IFNW1: variants seen among roughly 807,000 people sequenced by gnomAD.
The protein encoded by IFNW1 is interferon omega 1.
For missense variants in IFNW1, 293 were observed against 227.7 expected, an observed-to-expected ratio of 1.29 and a Z score of -1.84; for synonymous variants, 105 against 88.0, an observed-to-expected ratio of 1.19 and a Z score of -1.08.
Position 21,141,501 on chromosome 9 carries a change from A to G in IFNW1, c.70T>C (p.Cys24Arg). 1 of 1,613,778 alleles carries G rather than the reference A, an allele frequency of 6.2e-7. No individual in the cohort carries two copies. Among genetic ancestry groups the G allele is most frequent in the Non-Finnish European group, 8.5e-7 (1 of 1,179,786 alleles). ...TSYSPVGSLG[C>R]DLPQNHGLLS... ...AGGCCATGGTTCTGAGGCAGATCAC[A>G]GCCCAGAGATCCAACAGGGCTATAG... The change falls in exon 1 of 1, where the codon TGT (cysteine) becomes CGT (arginine). Residue 24 changes from cysteine to arginine, a missense_variant. By Grantham distance (180) the Cys-to-Arg change is radical. Transcript: ENST00000380229.
chr9:21,141,042 A>G lies in IFNW1; in HGVS notation c.529T>C (p.Leu177=), dbSNP rs1819390066. The change falls in exon 1 of 1, where the codon TTA becomes CTA. Residue 177 remains leucine (L), a synonymous_variant. Coordinates refer to ENST00000380229, the MANE Select transcript of IFNW1 (RefSeq NM_002177.3). ...AGTCTTTCTTGCATGTTTGTTGATAAGAACAAGGATTTCATGATTTCCATT... is the reference window on the plus strand; with the variant it reads ...AGTCTTTCTTGCATGTTTGTTGATAGGAACAAGGATTTCATGATTTCCATT... The part of the protein sequence containing the change: ...VRMEIMKSLF[L]STNMQERLRS... 6.2e-7 allele frequency: 1 copy of G among 1,614,128 alleles called. No individual in the cohort carries two copies.
Position 21,141,255 on chromosome 9 carries a change from C to G in IFNW1, c.316G>C (p.Asp106His), listed in dbSNP as rs746557456. Residue 106 changes from aspartate to histidine, a missense_variant, in exon 1 of 1, where the codon GAC becomes CAC. By Grantham distance (81) the Asp-to-His change is moderately conservative. Transcript: ENST00000380229. ...SSAAWNMTLL[D>H]QLHTGLHQQL... ...TGATGAAGTCCAGTGTGGAGTTGGT[C>G]TAGGAGGGTCATGTTCCAGGCAGCA... 25 of 1,614,118 alleles carry G rather than the reference C, an allele frequency of 1.5e-5. No homozygotes were observed. In the South Asian group the frequency reaches 2.7e-4, roughly 18 times the overall value.
Position 21,141,529 on chromosome 9 carries a change from G to C in IFNW1, c.42C>G (p.Thr14=). Residue 14 remains threonine (T), a synonymous_variant, in exon 1 of 1, where the codon ACC becomes ACG. Transcript: ENST00000380229. ...LFPLLAALVM[T]SYSPVGSLGC... ...CCAGAGATCCAACAGGGCTATAGCTGGTCATCACTAGGGCTGCCAGTAGAG... is the reference window on the plus strand; with the variant it reads ...CCAGAGATCCAACAGGGCTATAGCTCGTCATCACTAGGGCTGCCAGTAGAG... 6.2e-7 allele frequency: 1 copy of C among 1,608,334 alleles called. No homozygotes were observed. Among genetic ancestry groups the C allele is most frequent in the Non-Finnish European group, 8.5e-7 (1 of 1,177,452 alleles).
rs1819398144 is a variant in IFNW1, at chr9:21,141,408, C to T, written c.163G>A (p.Asp55Asn). 1.9e-6 allele frequency: 3 copies of T among 1,613,980 alleles called. No individual in the cohort carries two copies. In the South Asian group the frequency reaches 3.3e-5, roughly 18 times the overall value. ...RRISPFLCLK[D>N]RRDFRFPQEM... is the part of the protein sequence containing the mutation. The stretch of plus-strand genomic sequence containing the variant: ...TGGGGGAACCTGAAGTCTCTTCTGT[C>T]CTTGAGACACAAGAAAGGGGAGATT... Residue 55 changes from aspartate (D) to asparagine (N), a missense_variant, in exon 1 of 1, where the codon GAC (aspartate) becomes AAC (asparagine). Asp to Asn is a conservative substitution (Grantham distance 23). Coordinates refer to ENST00000380229, the MANE Select transcript of IFNW1 (RefSeq NM_002177.3).
chr9:21,140,891 A>G lies in IFNW1; in HGVS notation c.*92T>C, dbSNP rs935835029. 3.4e-6 allele frequency: 3 copies of G among 888,222 alleles called. No homozygotes were observed. In the African/African-American group the frequency reaches 5.1e-5, roughly 15 times the overall value. 55.0% of individuals were successfully genotyped at this position (888,222 alleles called of 1,614,324 possible). On this transcript the variant is annotated 3_prime_UTR_variant, in exon 1 of 1. Transcript: ENST00000380229. ...AGTATTTGCAGAACTAATTCAGTCAATTCTGTGATTAAAGCCGAAATAAGA... is the reference window on the plus strand; with the variant it reads ...AGTATTTGCAGAACTAATTCAGTCAGTTCTGTGATTAAAGCCGAAATAAGA...
rs1466137724 is a variant in IFNW1 at position 21,141,112 on chromosome 9, G to A, written c.459C>T (p.Tyr153=). ...LRRYFQGIRV[Y]LKEKKYSDCA... ...AGTCGCTGTATTTCTTCTCTTTCAGGTAGACACGGATTCCCTGGAAGTACC... is the reference window on the plus strand; with the variant it reads ...AGTCGCTGTATTTCTTCTCTTTCAGATAGACACGGATTCCCTGGAAGTACC... Residue 153 remains tyrosine, a synonymous_variant, in exon 1 of 1, where the codon TAC becomes TAT. Transcript: ENST00000380229. The A allele has an allele frequency of 1.2e-6, 2 of 1,614,040 alleles. No homozygotes were observed. The highest frequency in any genetic ancestry group is 2.7e-5 in the African/African-American group (2 of 74,910).
At position 21,141,236 on chromosome 9, in the gene IFNW1, A is replaced by G; in HGVS notation, c.335T>C (p.Leu112Pro). Residue 112 changes from leucine (L) to proline (P), a missense_variant, in exon 1 of 1, where the codon CTT becomes CCT. By Grantham distance (98) the Leu-to-Pro change is moderately conservative (BLOSUM62 -3). Transcript: ENST00000380229. ...MTLLDQLHTG[L>P]HQQLQHLETC... ...CTCCAGGTGTTGCAGTTGCTGATGA[A>G]GTCCAGTGTGGAGTTGGTCTAGGAG... is the stretch of plus-strand genomic sequence containing the variant. 5 of 1,614,144 alleles carry G rather than the reference A, an allele frequency of 3.1e-6. No homozygotes were observed. Among genetic ancestry groups the G allele is most frequent in the Non-Finnish European group, 4.2e-6 (5 of 1,180,002 alleles).
Position 21,141,118 on chromosome 9 carries a change from A to G in IFNW1, c.453T>C (p.Arg151=). The change falls in exon 1 of 1, where the codon CGT becomes CGC. Residue 151 remains arginine (R), a synonymous_variant. Coordinates refer to ENST00000380229, the MANE Select transcript of IFNW1 (RefSeq NM_002177.3). ...TGTATTTCTTCTCTTTCAGGTAGAC[A>G]CGGATTCCCTGGAAGTACCTCCTCA... ...LTLRRYFQGI[R]VYLKEKKYSD... is the part of the protein sequence containing the mutation. The G allele has an allele frequency of 1.2e-6, 2 of 1,614,146 alleles. No homozygotes were observed. Among genetic ancestry groups the G allele is most frequent in the Non-Finnish European group, 1.7e-6 (2 of 1,180,010 alleles).
chr9:21,141,543 C>CTGCCA, the IFNW1 span: 32 of 1,599,026 alleles, frequency 2.0e-5, no homozygotes, highest in Non-Finnish European at 2.7e-5. Context: ...ATCACTAGGG[C>CTGCCA]TGCCAGTAGA....
At chr9:21,141,268 G>GT in the IFNW1 span, 1 of 1,614,194 alleles carries the variant, frequency 6.2e-7, no homozygotes, top group Non-Finnish European at 8.5e-7. Context: ...GGAGGGTCAT[G>GT]TTCCAGGCAG....
At position 21,141,531 on chromosome 9, in the gene IFNW1, T is replaced by A; in HGVS notation, c.40A>T (p.Thr14Ser). 6.2e-7 allele frequency: 1 copy of A among 1,608,286 alleles called. No individual in the cohort carries two copies. Among genetic ancestry groups the A allele is most frequent in the Non-Finnish European group, 8.5e-7 (1 of 1,177,400 alleles). ...LFPLLAALVM[T>S]SYSPVGSLGC... ...AGAGATCCAACAGGGCTATAGCTGG[T>A]CATCACTAGGGCTGCCAGTAGAGGG... Residue 14 changes from threonine to serine, a missense_variant, in exon 1 of 1, where the codon ACC becomes TCC. Thr to Ser is a moderately conservative substitution (Grantham distance 58, BLOSUM62 1). Transcript: ENST00000380229.
the IFNW1 span, chr9:21,141,018 GT>G: frequency 6.2e-7 from 1 of 1,613,768 alleles, no homozygotes; most frequent in Non-Finnish European, 8.5e-7. Flanking sequence ...TTACTTCTCA[GT>G]CTTTCTTGCA....
In IFNW1 at chr9:21,141,801, C is replaced by G; in HGVS notation, c.-231G>C. On this transcript the variant is annotated 5_prime_UTR_variant, in exon 1 of 1. Coordinates refer to ENST00000380229, the MANE Select transcript of IFNW1 (RefSeq NM_002177.3). ...CTATTAATTTTGCATTAGACTTCAG[C>G]TAAACTCCAGTAAACTTCAGCTGTG... 1 of 318,450 alleles carries G rather than the reference C, an allele frequency of 3.1e-6. No individual in the cohort carries two copies. The highest frequency in any genetic ancestry group is 6.0e-6 in the Non-Finnish European group (1 of 165,368). The allele number at this position is 318,450 out of a possible 1,614,324, so 19.7% of individuals were successfully genotyped here.
At position 21,141,205 on chromosome 9, in the gene IFNW1, G is replaced by A. The variant is rs201243070; in HGVS notation, c.366C>T (p.Cys122=). 3.7e-4 allele frequency: 592 copies of A among 1,614,148 alleles called. 15 individuals carry two copies. In the South Asian group the frequency reaches 6.1e-3, roughly 17 times the overall value. Reference sequence around the variant, plus strand: ...CTCCTTCTCCCACTACCTGCAGCAAGCAGGTCTCCAGGTGTTGCAGTTGCT... The same window carrying A: ...CTCCTTCTCCCACTACCTGCAGCAAACAGGTCTCCAGGTGTTGCAGTTGCT... ...LHQQLQHLET[C]LLQVVGEGES... Residue 122 remains cysteine (C), a synonymous_variant, in exon 1 of 1, where the codon TGC becomes TGT. Transcript: ENST00000380229.
chr9:21,141,268 G>T lies in IFNW1; in HGVS notation c.303C>A (p.Asn101Lys). The T allele has an allele frequency of 6.2e-7, 1 of 1,614,194 alleles. No individual in the cohort carries two copies. The highest frequency in any genetic ancestry group is 1.3e-5 in the African/African-American group (1 of 75,072). ...TGTGGAGTTGGTCTAGGAGGGTCAT[G>T]TTCCAGGCAGCAGAGGAGCGCTCTG... is the stretch of plus-strand genomic sequence containing the variant. Reference protein sequence around the residue: ...FHTERSSAAWNMTLLDQLHTG... With the variant: ...FHTERSSAAWKMTLLDQLHTG... Residue 101 changes from asparagine to lysine, a missense_variant, in exon 1 of 1, where the codon AAC becomes AAA. Transcript: ENST00000380229.
rs1182603438 is a variant in IFNW1, at chr9:21,141,167, G to T, written c.404C>A (p.Ala135Glu). 1 of 1,613,158 alleles carries T rather than the reference G, an allele frequency of 6.2e-7. No homozygotes were observed. Among genetic ancestry groups the T allele is most frequent in the Non-Finnish European group, 8.5e-7 (1 of 1,179,468 alleles). The part of the protein sequence containing the change: ...QVVGEGESAG[A>E]ISSPALTLRR... ...CAAGGTCAGTGCAGGGCTGCTAATTGCCCCAGCAGATTCTCCTTCTCCCAC... is the reference window on the plus strand; with the variant it reads ...CAAGGTCAGTGCAGGGCTGCTAATTTCCCCAGCAGATTCTCCTTCTCCCAC... The change falls in exon 1 of 1, where the codon GCA (alanine) becomes GAA (glutamate). Residue 135 changes from alanine to glutamate, a missense_variant. Transcript: ENST00000380229.
chr9:21,141,640 A>G lies in IFNW1; in HGVS notation c.-70T>C, dbSNP rs1172245291. ...TTAACCTTGGACCCTAGGTTTTCTGAAGACATTGCTTGTATGCATGGCTTT... is the reference window on the plus strand; with the variant it reads ...TTAACCTTGGACCCTAGGTTTTCTGGAGACATTGCTTGTATGCATGGCTTT... On this transcript the variant is annotated 5_prime_UTR_variant, in exon 1 of 1. Transcript: ENST00000380229. The G allele has an allele frequency of 4.6e-5, 47 of 1,017,082 alleles. No homozygotes were observed. The highest frequency in any genetic ancestry group is 5.5e-5 in the Non-Finnish European group (38 of 691,720). 63.0% of individuals were successfully genotyped at this position (1,017,082 alleles called of 1,614,324 possible).
Position 21,141,479 on chromosome 9 carries a change from C to G in IFNW1, c.92G>C (p.Gly31Ala). ...SLGCDLPQNH[G>A]LLSRNTLVLL... The stretch of plus-strand genomic sequence containing the variant: ...CACCAAGGTGTTCCTGCTAAGTAGG[C>G]CATGGTTCTGAGGCAGATCACAGCC... Residue 31 changes from glycine (G) to alanine (A), a missense_variant, in exon 1 of 1, where the codon GGC (glycine) becomes GCC (alanine). By Grantham distance (60) the Gly-to-Ala change is moderately conservative (BLOSUM62 0). Coordinates refer to ENST00000380229, the MANE Select transcript of IFNW1 (RefSeq NM_002177.3). 6.2e-7 allele frequency: 1 copy of G among 1,613,998 alleles called. No individual in the cohort carries two copies. The highest frequency in any genetic ancestry group is 8.5e-7 in the Non-Finnish European group (1 of 1,179,936).
rs532645993 is a variant in IFNW1 at position 21,141,811 on chromosome 9, G to A, written c.-241C>T. 124 of 297,168 alleles carry A rather than the reference G, an allele frequency of 4.2e-4. 2 individuals carry two copies. In the East Asian group the frequency reaches 8.4e-3, roughly 20 times the overall value. The allele number at this position is 297,168 out of a possible 1,614,324, so 18.4% of individuals were successfully genotyped here. A position where few individuals can be genotyped will look rare whatever the true frequency, so the allele number is the denominator to read the frequency against. ...TGCATTAGACTTCAGCTAAACTCCA[G>A]TAAACTTCAGCTGTGTCAATACAAA... On this transcript the variant is annotated 5_prime_UTR_variant, in exon 1 of 1. Transcript: ENST00000380229.
Sources: allele counts gnomAD v4.1 joint callset, GRCh38; gene constraint gnomAD v4.1.1; transcripts MANE v1.5; gene names NCBI Gene and HGNC (gene_info 2026-07-23, HGNC 2026-07-21).